The following SCN8A variants were observed in gnomAD, a reference collection of about 807,000 sequenced individuals.
SCN8A encodes the protein sodium voltage-gated channel alpha subunit 8.
Under a neutral mutation model 184.1 loss-of-function variants are expected in SCN8A, and 30 were observed. The observed-to-expected ratio is 0.16, with a 90% CI of 0.12 to 0.22. The LOEUF (loss-of-function observed/expected upper bound fraction) is 0.22. SCN8A is among the 10% of genes least tolerant of loss of function. SCN8A has a pLI of 1.00. For missense variants in SCN8A, 1,057 were observed against 2,498.9 expected, an observed-to-expected ratio of 0.42 and a Z score of 12.30; for synonymous variants, 852 against 907.0, an observed-to-expected ratio of 0.94 and a Z score of 1.09.
At chr12:51,779,336 AG>A (rs941741392) in intron 20 of SCN8A, among the ~76,000 whole-genome samples, 1 of 152,142 alleles carries the variant, frequency 6.6e-6, no homozygotes, top group Middle Eastern at 3.2e-3. Flanking sequence ...GCTCAGGCCC[AG>A]GAAGGCATAA....
At chr12:51,647,434 G>T (rs7139087) in intron 1 of SCN8A, among the ~76,000 whole-genome samples, 130,716 of 152,072 alleles carry the variant, frequency 0.86, 56,440 homozygotes, top group East Asian at 0.99. Context: ...TGGGTAAATT[G>T]GGTGGAGTGA....
chr12:51,609,892 C>T (rs1002020784), intron 1 of SCN8A, among the ~76,000 whole-genome samples: 22 of 151,522 alleles, frequency 1.5e-4, no homozygotes. Context: ...TTAGTGGGTG[C>T]AGCACACCAA....
In SCN8A at chr12:51,662,911, A is replaced by G; in HGVS notation, c.94A>G (p.Ser32Gly). 2.5e-6 allele frequency: 4 copies of G among 1,614,028 alleles called. No homozygotes were observed. Among genetic ancestry groups the G allele is most frequent in the Non-Finnish European group, 3.4e-6 (4 of 1,179,886 alleles). ...LANIERRIAE[S>G]KLKKPPKADG... ...AAACATTGAGAGGCGCATTGCTGAG[A>G]GCAAGCTCAAGAAACCACCAAAGGC... The change falls in exon 2 of 27, where the codon AGC becomes GGC. Residue 32 changes from serine (S) to glycine (G), a missense_variant. This residue lies in a region of SCN8A where 45 missense variants were observed against 71.3 expected (regional missense o/e 0.63). Coordinates refer to ENST00000627620, the MANE Select transcript of SCN8A (RefSeq NM_001330260.2).
At chr12:51,680,771 G>A (rs1941316338) in intron 2 of SCN8A, among the ~76,000 whole-genome samples, 1 of 152,150 alleles carries the variant, frequency 6.6e-6, no homozygotes, top group Non-Finnish European at 1.5e-5. Flanking sequence ...GGAGGCTGAG[G>A]CAGGCGGATC....
intron 11 of SCN8A, among the ~76,000 whole-genome samples, chr12:51,716,405 G>A (rs1941965340): frequency 1.3e-5 from 2 of 152,142 alleles, no homozygotes; most frequent in Non-Finnish European, 2.9e-5. Flanking sequence ...AGGGGGTTTG[G>A]TGCTATGGAA....
At chr12:51,620,747 G>T (rs1466187514) in intron 1 of SCN8A, among the ~76,000 whole-genome samples, 1 of 151,932 alleles carries the variant, frequency 6.6e-6, no homozygotes, top group Non-Finnish European at 1.5e-5. Flanking sequence ...CAGCACTTTG[G>T]AGGGCCGAAG....
intron 1 of SCN8A, among the ~76,000 whole-genome samples, chr12:51,640,614 C>G (rs1940431941): frequency 6.6e-6 from 1 of 152,094 alleles, no homozygotes; most frequent in Non-Finnish European, 1.5e-5. Flanking sequence ...TTAGACACAG[C>G]AGAGAACGTC....
intron 1 of SCN8A, among the ~76,000 whole-genome samples, chr12:51,596,823 T>TA (rs544600056): frequency 1.3e-5 from 2 of 152,316 alleles, no homozygotes; most frequent in South Asian, 4.1e-4. Flanking sequence ...CTCTTGCATG[T>TA]AAACACATAT....
At chr12:51,601,428 T>TACCTAAC (rs1220312759) in intron 1 of SCN8A, among the ~76,000 whole-genome samples, 1 of 150,802 alleles carries the variant, frequency 6.6e-6, no homozygotes, top group Non-Finnish European at 1.5e-5. Flanking sequence ...ATGTTTCACT[T>TACCTAAC]ACCTAACAAG....
chr12:51,749,992 A>G (rs1942572183), intron 13 of SCN8A, among the ~76,000 whole-genome samples: 1 of 152,214 alleles, frequency 6.6e-6, no homozygotes, highest in African/African-American at 2.4e-5. Context: ...TAATCCTGGC[A>G]GTTGTATTTC....
Position 51,687,880 on chromosome 12 carries a change from A to G in SCN8A, c.614+661A>G, listed in dbSNP as rs182298797. ...AGCAGGCTTTAATATTTTTATTTCC[A>G]GGTTGGGAAAGCGTTTTGTGGTTTG... On this transcript the variant is annotated intron_variant, in intron 5 of 26. Coordinates refer to ENST00000627620, the MANE Select transcript of SCN8A (RefSeq NM_001330260.2). Among the ~76,000 whole-genome samples, 6 of 152,322 alleles carry G rather than the reference A, an allele frequency of 3.9e-5. No individual in the cohort carries two copies. The East Asian group carries it at 1.2e-3, about 29-fold the overall frequency.
chr12:51,763,834 G>T (rs554091563), intron 15 of SCN8A, among the ~76,000 whole-genome samples: 1 of 152,324 alleles, frequency 6.6e-6, no homozygotes, highest in South Asian at 2.1e-4. Flanking sequence ...GGGAAGATAA[G>T]CACTTGGCAA....
intron 9 of SCN8A, among the ~76,000 whole-genome samples, chr12:51,704,514 A>G: frequency 6.6e-6 from 1 of 151,338 alleles, no homozygotes; most frequent in East Asian, 2.0e-4. Context: ...TACTAAAAAT[A>G]CAAAAATTAG....
intron 3 of SCN8A, among the ~76,000 whole-genome samples, chr12:51,684,640 T>C (rs781337746): frequency 2.6e-5 from 4 of 152,208 alleles, no homozygotes; most frequent in South Asian, 2.1e-4. Flanking sequence ...TAAAAGCCAT[T>C]ATTAGAGGTT....
At chr12:51,693,755 C>T (rs972127645) in intron 6 of SCN8A, among the ~76,000 whole-genome samples, 3 of 152,154 alleles carry the variant, frequency 2.0e-5, no homozygotes, top group Non-Finnish European at 4.4e-5. Context: ...AAGCCTAACT[C>T]TGGGAACAGG....
intron 1 of SCN8A, among the ~76,000 whole-genome samples, chr12:51,622,250 G>A (rs1375427095): frequency 6.6e-6 from 1 of 152,158 alleles, no homozygotes; most frequent in Non-Finnish European, 1.5e-5. Context: ...TTCCCATAAT[G>A]TTAATATATC....
Position 51,688,859 on chromosome 12 carries a change from T to C in SCN8A, c.615-146T>C, listed in dbSNP as rs1170798738. 3.1e-6 allele frequency: 5 copies of C among 1,610,142 alleles called. No individual in the cohort carries two copies. In the African/African-American group the frequency reaches 5.3e-5, roughly 17 times the overall value. On this transcript the variant is annotated intron_variant, in intron 5 of 26. Transcript: ENST00000627620. ...ATTTCGGTAATCCCAGGTAAGATGG[T>C]CCGGGGTTGGTGTTAGGTGTTGGGA...
chr12:51,699,567 C>T lies in SCN8A; in HGVS notation c.707-3C>T. ...TCTGATTCCGGGGATTCTGTCTCCT[C>T]AGGCCTGAAGACAATTGTGGGTGCC... On this transcript the variant is annotated splice_polypyrimidine_tract_variant and splice_region_variant and intron_variant, in intron 6 of 26. Transcript: ENST00000627620. 1 of 1,608,970 alleles carries T rather than the reference C, an allele frequency of 6.2e-7. No individual in the cohort carries two copies. The highest frequency in any genetic ancestry group is 8.5e-7 in the Non-Finnish European group (1 of 1,176,366).
chr12:51,653,644 T>C (rs1034243281), intron 1 of SCN8A, among the ~76,000 whole-genome samples: 4 of 152,226 alleles, frequency 2.6e-5, no homozygotes, highest in Admixed American at 2.0e-4. Flanking sequence ...GCTAAGAACA[T>C]GTGTGTACAA....
Sources: allele counts gnomAD v4.1 joint callset (sites outside exome capture counted in the v4.1 genomes callset), GRCh38; gene constraint gnomAD v4.1.1; regional missense constraint gnomAD v4.1.1; transcripts MANE v1.5; gene names NCBI Gene and HGNC (gene_info 2026-07-23, HGNC 2026-07-21).